The following TRAK1 variants were observed in gnomAD, a reference collection of about 807,000 sequenced individuals.
TRAK1 encodes the protein trafficking kinesin-binding protein 1.
Under a neutral mutation model 92.1 loss-of-function variants are expected in TRAK1, and 33 were observed. The observed-to-expected ratio is 0.36, with a 90% CI of 0.27 to 0.48. The LOEUF (loss-of-function observed/expected upper bound fraction) is 0.48. TRAK1 is among the 20% of genes least tolerant of loss of function. TRAK1 has a pLI of 0.99. For synonymous variants in TRAK1, 521 were observed against 517.3 expected (o/e 1.01, Z -0.10); for missense variants, 1,123 against 1,257.9 (o/e 0.89, Z 1.62).
intron 1 of TRAK1, among the ~76,000 whole-genome samples, chr3:42,079,925 G>A (rs1470658302): frequency 1.3e-5 from 2 of 152,154 alleles, no homozygotes; most frequent in South Asian, 4.1e-4. Context: ...CATTGCACCA[G>A]GGAGTGGAGA....
intron 1 of TRAK1, among the ~76,000 whole-genome samples, chr3:42,081,761 G>T (rs915627986): frequency 1.3e-5 from 2 of 152,212 alleles, no homozygotes; most frequent in Non-Finnish European, 2.9e-5. Context: ...TAATGTTAAT[G>T]ACAGTAATTA....
chr3:42,124,499 T>A (rs1710305672), intron 1 of TRAK1, among the ~76,000 whole-genome samples: 1 of 152,230 alleles, frequency 6.6e-6, no homozygotes, highest in Non-Finnish European at 1.5e-5. Context: ...GTTTGCCATG[T>A]TGTCATGTTT....
chr3:42,168,853 TCA>T (rs1460885891), intron 2 of TRAK1, among the ~76,000 whole-genome samples: 2 of 152,188 alleles, frequency 1.3e-5, no homozygotes, highest in African/African-American at 4.8e-5. Context: ...AGATGGAGTC[TCA>T]CTCTGTCACC....
intron 1 of TRAK1, among the ~76,000 whole-genome samples, chr3:42,065,134 C>A (rs998359527): frequency 1.3e-5 from 2 of 151,982 alleles, no homozygotes; most frequent in African/African-American, 4.8e-5. Context: ...CACCTGTAAC[C>A]CCAGCTACTC....
At chr3:42,165,526 G>C (rs770795983) in intron 2 of TRAK1, among the ~76,000 whole-genome samples, 9 of 152,184 alleles carry the variant, frequency 5.9e-5, no homozygotes, top group Non-Finnish European at 1.3e-4. Context: ...TGGGCCCTGT[G>C]GGGGAATAAC....
intron 1 of TRAK1, among the ~76,000 whole-genome samples, chr3:42,072,549 G>T (rs1703979897): frequency 7.2e-6 from 1 of 138,194 alleles, no homozygotes; most frequent in African/African-American, 2.6e-5. Context: ...CTGTCAGTGT[G>T]CAGCTTTTTT....
At chr3:42,196,977 T>G (rs6784907) in intron 10 of TRAK1, among the ~76,000 whole-genome samples, 2 of 62,456 alleles carry the variant, frequency 3.2e-5, no homozygotes, top group African/African-American at 5.5e-5. Flanking sequence ...CTCTCTCTCT[T>G]TCTCTTTCTC....
rs1287852917 is a variant in TRAK1 at position 42,202,328 on chromosome 3, G to A, written c.1428-108G>A. 8.3e-7 allele frequency: 1 copy of A among 1,202,924 alleles called. No individual in the cohort carries two copies. Among genetic ancestry groups the A allele is most frequent in the African/African-American group, 1.6e-5 (1 of 64,490 alleles). 74.5% of individuals were successfully genotyped at this position (1,202,924 alleles called of 1,614,324 possible). On this transcript the variant is annotated intron_variant, in intron 12 of 15. Coordinates refer to ENST00000327628, the MANE Select transcript of TRAK1 (RefSeq NM_001042646.3). This position sits in a 1 kb window ranked among gnomAD's most constrained non-coding sequence, Gnocchi z 6.1. ...AACTGCTTGCCTTGGTTCCCATGGAGAATCCTGTAGCCCCAGGGAACGTCC... is the reference window on the plus strand; with the variant it reads ...AACTGCTTGCCTTGGTTCCCATGGAAAATCCTGTAGCCCCAGGGAACGTCC...
At chr3:42,159,546 A>AT (rs532239157) in intron 2 of TRAK1, among the ~76,000 whole-genome samples, 89 of 152,252 alleles carry the variant, frequency 5.8e-4, no homozygotes, top group African/African-American at 2.1e-3. Context: ...TAGGCTTTAG[A>AT]TTTTTTTCTT....
At chr3:42,059,656 C>G (rs75603031) in intron 1 of TRAK1, among the ~76,000 whole-genome samples, 52 of 152,272 alleles carry the variant, frequency 3.4e-4, no homozygotes, top group African/African-American at 1.2e-3. Flanking sequence ...TCATCCAACT[C>G]AGAAAGCTTT....
In TRAK1 at chr3:42,091,460, A is replaced by T. The variant is rs762988205; in HGVS notation, c.-10A>T. On this transcript the variant is annotated 5_prime_UTR_variant, in exon 1 of 16. An upstream start codon of the reference 5' UTR is lost. Transcript: ENST00000327628. ...GTTCTCTGAAGTGCCTTTGGAGTTT[A>T]TGTCTGCACATGGCATTGGTTTTTC... The T allele has an allele frequency of 1.2e-6, 2 of 1,613,146 alleles. No homozygotes were observed. The highest frequency in any genetic ancestry group is 2.2e-5 in the South Asian group (2 of 90,812).
chr3:42,164,748 A>G (rs1029427492), intron 2 of TRAK1, among the ~76,000 whole-genome samples: 13 of 152,140 alleles, frequency 8.5e-5, no homozygotes, highest in African/African-American at 2.2e-4. Context: ...TGAGAAAGCA[A>G]AATTGATCTC....
At chr3:42,089,812 G>A (rs575969800), upstream of TRAK1, among the ~76,000 whole-genome samples, 5 of 151,986 alleles carry the variant, frequency 3.3e-5, no homozygotes, top group East Asian at 1.9e-4. Flanking sequence ...GACTAAAGTC[G>A]CGGAGGGCAA....
In TRAK1 at chr3:42,155,619, A is replaced by G. The variant is rs866554975; in HGVS notation, c.287-21195A>G. Reference sequence around the variant, plus strand: ...TGCAGGATGTGGAAGCCAAGAAAATATAGAGCTCCCATCTTGAAAATAAGG... The same window carrying G: ...TGCAGGATGTGGAAGCCAAGAAAATGTAGAGCTCCCATCTTGAAAATAAGG... On this transcript the variant is annotated intron_variant, in intron 2 of 15. Transcript: ENST00000327628. Among the ~76,000 whole-genome samples the G allele has an allele frequency of 3.3e-5, 5 of 152,268 alleles. No individual in the cohort carries two copies. The South Asian group carries it at 8.3e-4, about 25-fold the overall frequency.
intron 1 of TRAK1, among the ~76,000 whole-genome samples, chr3:42,066,579 G>C (rs959490944): frequency 3.3e-5 from 5 of 151,846 alleles, no homozygotes; most frequent in Non-Finnish European, 7.4e-5. Context: ...GGACCAGTGA[G>C]GAGCTAGTAT....
intron 2 of TRAK1, among the ~76,000 whole-genome samples, chr3:42,157,937 T>C (rs1236227571): frequency 1.3e-5 from 2 of 152,248 alleles, no homozygotes; most frequent in African/African-American, 4.8e-5. Context: ...TGTCCTATTC[T>C]TGTAACTTTT....
intron 1 of TRAK1, among the ~76,000 whole-genome samples, chr3:42,114,199 C>A (rs1439952074): frequency 1.3e-5 from 2 of 152,174 alleles, no homozygotes; most frequent in African/African-American, 2.4e-5. Context: ...TTCAGTATAT[C>A]TACACATTTT....
At chr3:42,082,652 T>G (rs1464546910), upstream of TRAK1, among the ~76,000 whole-genome samples, 2 of 150,892 alleles carry the variant, frequency 1.3e-5, no homozygotes, top group Non-Finnish European at 2.9e-5. Context: ...ATTAGAGCCT[T>G]TGTTAAAAAA....
intron 2 of TRAK1, among the ~76,000 whole-genome samples, chr3:42,141,863 C>T (rs1280477985): frequency 6.6e-6 from 1 of 152,086 alleles, no homozygotes; most frequent in Non-Finnish European, 1.5e-5. Flanking sequence ...GGGCCGGGCA[C>T]GGTGGCTCAT....
Sources: allele counts gnomAD v4.1 joint callset (sites outside exome capture counted in the v4.1 genomes callset), GRCh38; gene constraint gnomAD v4.1.1; non-coding constraint Gnocchi (gnomAD v3.1); transcripts MANE v1.5; gene names NCBI Gene and HGNC (gene_info 2026-07-23, HGNC 2026-07-21).